SHOC2: variants seen among roughly 807,000 people sequenced by gnomAD.
SHOC2 encodes the protein SHOC2 leucine rich repeat scaffold protein.
Under a neutral mutation model 50.2 loss-of-function variants are expected in SHOC2, and 4 were observed. The ratio of observed to expected loss-of-function variants is 0.08; its 90% confidence interval spans 0.04 to 0.18. The LOEUF is 0.18. Among genes scored for constraint, SHOC2 ranks in the 10% least tolerant of loss-of-function variants. The pLI, the probability that SHOC2 is intolerant of heterozygous loss-of-function variation, is 1.00. For missense variants in SHOC2, 388 were observed against 669.6 expected (o/e 0.58, Z 4.64); for synonymous variants, 218 against 244.5 (o/e 0.89, Z 1.01).
intron 2 of SHOC2, among the ~76,000 whole-genome samples, chr10:110,982,591 T>G (rs1848003060): frequency 1.3e-5 from 2 of 151,826 alleles, no homozygotes; most frequent in African/African-American, 4.8e-5. Context: ...TTGATTTGCA[T>G]TTCTCTGATG....
chr10:111,000,365 C>T (rs770771397), intron 3 of SHOC2, 50 bp from the exon 4 acceptor site: 1 of 1,587,250 alleles, frequency 6.3e-7, no homozygotes, highest in Non-Finnish European at 8.6e-7. Flanking sequence ...CAGTGAGAGG[C>T]TCATCAGATT....
chr10:110,924,738 G>C (rs1373786795), intron 1 of SHOC2, among the ~76,000 whole-genome samples: 1 of 152,020 alleles, frequency 6.6e-6, no homozygotes, highest in Non-Finnish European at 1.5e-5. Context: ...GTAACGTGGG[G>C]AATAATTCCC....
chr10:110,996,948 G>A (rs892218280), intron 3 of SHOC2, among the ~76,000 whole-genome samples: 1 of 152,176 alleles, frequency 6.6e-6, no homozygotes, highest in Non-Finnish European at 1.5e-5. Context: ...GGTGGGTAGA[G>A]CTTTATCACA....
chr10:110,939,324 C>T (rs888319508), intron 1 of SHOC2, among the ~76,000 whole-genome samples: 1 of 152,080 alleles, frequency 6.6e-6, no homozygotes, highest in African/African-American at 2.4e-5. Flanking sequence ...GTCAAGCCAT[C>T]CTCTCACCTT....
intron 4 of SHOC2, among the ~76,000 whole-genome samples, chr10:111,001,987 A>G (rs1232621868): frequency 6.6e-6 from 1 of 152,136 alleles, no homozygotes; most frequent in Non-Finnish European, 1.5e-5. Flanking sequence ...CAGAGATTGC[A>G]GTGAGCCGAG....
At chr10:110,936,481 A>G (rs898553782) in intron 1 of SHOC2, 1 of 568,168 alleles carries the variant, frequency 1.8e-6, no homozygotes, top group Non-Finnish European at 3.1e-6. Context: ...AGATTCTCAA[A>G]GGATTCTCTT....
Position 111,012,271 on chromosome 10 carries a change from T to G in SHOC2, c.*453T>G, listed in dbSNP as rs1275382202. On this transcript the variant is annotated 3_prime_UTR_variant, in exon 9 of 9. Transcript: ENST00000369452. ...ATTTTTCTTTAACTTATTTTGAGAT[T>G]TGAGATTTAAATTTTATGTATTGTT... The G allele has an allele frequency of 1.8e-5, 3 of 171,132 alleles. No homozygotes were observed. Among genetic ancestry groups the G allele is most frequent in the African/African-American group, 7.2e-5 (3 of 41,540 alleles). The allele number at this position is 171,132 out of a possible 1,614,324, so 10.6% of individuals were successfully genotyped here. A position where few individuals can be genotyped will look rare whatever the true frequency, so the allele number is the denominator to read the frequency against.
intron 4 of SHOC2, among the ~76,000 whole-genome samples, chr10:111,003,270 A>G (rs1848412770): frequency 6.6e-6 from 1 of 152,230 alleles, no homozygotes; most frequent in Non-Finnish European, 1.5e-5. Flanking sequence ...CATTATTTTA[A>G]AAACATACAT....
In SHOC2 at chr10:110,950,662, T is replaced by C. The variant is rs543348789; in HGVS notation, c.-234-13463T>C. On this transcript the variant is annotated intron_variant, in intron 1 of 8. Coordinates refer to ENST00000369452, the MANE Select transcript of SHOC2 (RefSeq NM_007373.4). The stretch of plus-strand genomic sequence containing the variant: ...TAATCCAAACAGTGTGGTACTGGCA[T>C]AAAACCAGAGATAAAGACCAGCAGA... 3.3e-5 allele frequency among the ~76,000 whole-genome samples: 5 copies of C among 152,110 alleles called. No homozygotes were observed. The East Asian group carries it at 5.8e-4, about 18-fold the overall frequency.
chr10:110,958,740 G>C (rs200308233), intron 1 of SHOC2, among the ~76,000 whole-genome samples: 2 of 137,930 alleles, frequency 1.5e-5, no homozygotes, highest in African/African-American at 5.4e-5. Context: ...TTTTTTTTTT[G>C]TTCCCTGTCT....
At chr10:110,976,674 T>G (rs947286982) in intron 2 of SHOC2, among the ~76,000 whole-genome samples, 1 of 152,166 alleles carries the variant, frequency 6.6e-6, no homozygotes, top group Non-Finnish European at 1.5e-5. Context: ...TTTCCTTTTT[T>G]CCCCCCTCAG....
chr10:111,009,494 A>G, intron 7 of SHOC2, 109 bp downstream of exon 7: 2 of 1,027,024 alleles, frequency 1.9e-6, no homozygotes, highest in Non-Finnish European at 3.0e-6. Flanking sequence ...AGACTTTCCT[A>G]TTCTAGTATT....
chr10:110,997,832 T>G (rs1445705617), intron 3 of SHOC2, among the ~76,000 whole-genome samples: 2 of 152,086 alleles, frequency 1.3e-5, no homozygotes, highest in Non-Finnish European at 2.9e-5. Flanking sequence ...ATACTTTGGT[T>G]TTTCTATTAC....
At position 110,919,609 on chromosome 10, in the gene SHOC2, G is replaced by A. The variant is rs1247459384; in HGVS notation, c.-283G>A. 2.0e-5 allele frequency: 8 copies of A among 398,456 alleles called. No individual in the cohort carries two copies. The highest frequency in any genetic ancestry group is 3.5e-5 in the Non-Finnish European group (8 of 226,336). The allele number at this position is 398,456 out of a possible 1,614,324, so 24.7% of individuals were successfully genotyped here. ...TCGCTTCTTAGGAGGAGGAGGAAGA[G>A]GAGGAAGGAGGGCGAGCGAGGAGGA... On this transcript the variant is annotated 5_prime_UTR_variant, in exon 1 of 9. Transcript: ENST00000369452.
intron 1 of SHOC2, chr10:110,936,479 A>G: frequency 1.8e-6 from 1 of 567,338 alleles, no homozygotes. Flanking sequence ...GTAGATTCTC[A>G]AAGGATTCTC....
At position 111,000,485 on chromosome 10, in the gene SHOC2, A is replaced by G. The variant is rs2134168641; in HGVS notation, c.912A>G (p.Ala304=). 1 of 1,612,410 alleles carries G rather than the reference A, an allele frequency of 6.2e-7. No homozygotes were observed. Among genetic ancestry groups the G allele is most frequent in the Non-Finnish European group, 8.5e-7 (1 of 1,178,510 alleles). ...TGTCAGCAATACCCAGATCATTAGCAAAATGCAGTGCACTTGAAGAATTAA... is the reference window on the plus strand; with the variant it reads ...TGTCAGCAATACCCAGATCATTAGCGAAATGCAGTGCACTTGAAGAATTAA... ...NRLSAIPRSL[A]KCSALEELNL... The change falls in exon 4 of 9, where the codon GCA becomes GCG. Residue 304 remains alanine (A), a synonymous_variant. Coordinates refer to ENST00000369452, the MANE Select transcript of SHOC2 (RefSeq NM_007373.4).
chr10:110,999,224 G>C (rs1848321799), intron 3 of SHOC2, among the ~76,000 whole-genome samples: 1 of 152,200 alleles, frequency 6.6e-6, no homozygotes, highest in African/African-American at 2.4e-5. Context: ...AGCAACAGTT[G>C]TGATTTGAAG....
chr10:110,956,292 C>T (rs953888454), intron 1 of SHOC2, among the ~76,000 whole-genome samples: 1 of 152,124 alleles, frequency 6.6e-6, no homozygotes, highest in African/African-American at 2.4e-5. Flanking sequence ...CGGCTCACTG[C>T]AACCTCCGCC....
chr10:110,979,252 C>T (rs1405329839), intron 2 of SHOC2, among the ~76,000 whole-genome samples: 1 of 152,220 alleles, frequency 6.6e-6, no homozygotes, highest in Non-Finnish European at 1.5e-5. Flanking sequence ...TTCCTTTTCA[C>T]ATGGGTCTTT....
Sources: gnomAD v4.1 joint callset for allele counts (sites outside exome capture counted in the v4.1 genomes callset) on GRCh38, gnomAD v4.1.1 for gene constraint, MANE v1.5 for transcripts, NCBI Gene and HGNC (gene_info 2026-07-23, HGNC 2026-07-21) for gene names.